PALS1: variants seen among roughly 807,000 people sequenced by gnomAD.
PALS1 encodes protein associated with LIN7 1, MAGUK p55 family member.
Under a neutral mutation model 78.9 loss-of-function variants are expected in PALS1, and 31 were observed. The ratio of observed to expected loss-of-function variants is 0.39; its 90% confidence interval spans 0.30 to 0.53. The LOEUF is 0.53. PALS1 is among the 20% of genes least tolerant of loss of function. The pLI is 0.67. For missense variants in PALS1, 704 were observed against 826.5 expected (o/e 0.85, Z 1.82); for synonymous variants, 276 against 270.9 (o/e 1.02, Z -0.18).
At chr14:67,299,602 G>GGT (rs2084904433) in intron 4 of PALS1, among the ~76,000 whole-genome samples, 2 of 152,306 alleles carry the variant, frequency 1.3e-5, no homozygotes, top group Middle Eastern at 3.4e-3. Flanking sequence ...ATAGGCCAAT[G>GGT]GAAAGGAGCA....
intron 1 of PALS1, among the ~76,000 whole-genome samples, chr14:67,246,273 C>T (rs1390476139): frequency 3.3e-5 from 5 of 151,568 alleles, no homozygotes; most frequent in Admixed American, 6.6e-5. Flanking sequence ...GGACCACAGG[C>T]GTGCCACCGC....
intron 14 of PALS1, among the ~76,000 whole-genome samples, chr14:67,331,101 G>C (rs142956667): frequency 7.1e-4 from 108 of 152,218 alleles, no homozygotes; most frequent in African/African-American, 2.5e-3. Flanking sequence ...CTGGAGTGCA[G>C]TGGCACAATC....
intron 8 of PALS1, among the ~76,000 whole-genome samples, chr14:67,305,420 CA>C (rs1474348288): frequency 6.6e-6 from 1 of 152,154 alleles, no homozygotes; most frequent in Admixed American, 6.5e-5. Flanking sequence ...GCTGGAAACA[CA>C]GATGCATACT....
intron 3 of PALS1, among the ~76,000 whole-genome samples, chr14:67,280,849 T>TTCCA (rs1555520229): frequency 2.0e-5 from 2 of 101,524 alleles, no homozygotes; most frequent in African/African-American, 5.9e-5. Context: ...CCTTCCTTCC[T>TTCCA]TCCTTCCCTC....
chr14:67,255,017 C>T (rs545977527), intron 1 of PALS1, among the ~76,000 whole-genome samples: 16 of 152,228 alleles, frequency 1.1e-4, no homozygotes, highest in East Asian at 1.9e-4. Flanking sequence ...GGTGTGGTGG[C>T]GCACGCCTGT....
At chr14:67,263,319 A>G (rs1447621270) in intron 1 of PALS1, among the ~76,000 whole-genome samples, 1 of 152,174 alleles carries the variant, frequency 6.6e-6, no homozygotes, top group African/African-American at 2.4e-5. Flanking sequence ...AGATTTGTAA[A>G]GGAAAATGGT....
intron 3 of PALS1, 80 bp downstream of exon 3, chr14:67,279,617 G>A (rs1279050619): frequency 1.5e-6 from 2 of 1,333,490 alleles, no homozygotes; most frequent in Admixed American, 2.7e-5. Context: ...GAAGGAAGAG[G>A]GTTTAAGAGA....
intron 14 of PALS1, among the ~76,000 whole-genome samples, chr14:67,331,235 G>A (rs574420160): frequency 5.3e-5 from 8 of 152,048 alleles, no homozygotes; most frequent in Non-Finnish European, 8.8e-5. Flanking sequence ...AATAGAGACG[G>A]GGTTTTGCCC....
At position 67,256,154 on chromosome 14, in the gene PALS1, A is replaced by C. The variant is rs2084141924; in HGVS notation, c.-236-13547A>C. On this transcript the variant is annotated intron_variant, in intron 1 of 14. Coordinates refer to ENST00000261681, the MANE Select transcript of PALS1 (RefSeq NM_022474.4). ...ATAGTATAGAAGTGGAAAGTAGGGAATATTTGGTCTATTATCCTCATTTTT... is the reference window on the plus strand; with the variant it reads ...ATAGTATAGAAGTGGAAAGTAGGGACTATTTGGTCTATTATCCTCATTTTT... Among the ~76,000 whole-genome samples the C allele has an allele frequency of 3.3e-5, 5 of 152,360 alleles. No homozygotes were observed. The South Asian group carries it at 1.0e-3, about 32-fold the overall frequency.
chr14:67,280,529 T>A (rs560629057), intron 3 of PALS1, among the ~76,000 whole-genome samples: 2 of 152,316 alleles, frequency 1.3e-5, no homozygotes, highest in East Asian at 3.9e-4. Flanking sequence ...GTAATCTCCA[T>A]TTTGGAGATA....
intron 11 of PALS1, among the ~76,000 whole-genome samples, chr14:67,319,676 T>C (rs761982571): frequency 2.6e-5 from 4 of 151,850 alleles, no homozygotes; most frequent in Non-Finnish European, 5.9e-5. Flanking sequence ...CAAATTCGCA[T>C]TGGGCCCCAT....
chr14:67,280,138 A>T (rs1279677640), intron 3 of PALS1, among the ~76,000 whole-genome samples: 1 of 152,252 alleles, frequency 6.6e-6, no homozygotes, highest in Non-Finnish European at 1.5e-5. Context: ...TGGGCTAAAT[A>T]AGTTAAATAG....
intron 4 of PALS1, among the ~76,000 whole-genome samples, chr14:67,297,335 A>G (rs1422142440): frequency 1.3e-5 from 2 of 152,228 alleles, no homozygotes; most frequent in East Asian, 1.9e-4. Flanking sequence ...ATGCACACAC[A>G]TATCTCATTT....
At chr14:67,315,118 A>G in intron 9 of PALS1, among the ~76,000 whole-genome samples, 1 of 150,804 alleles carries the variant, frequency 6.6e-6, no homozygotes, top group South Asian at 2.1e-4. Context: ...TCCATCTCTC[A>G]TTAATTTCTG....
At chr14:67,326,615 C>T (rs569951453) in intron 14 of PALS1, among the ~76,000 whole-genome samples, 1 of 152,196 alleles carries the variant, frequency 6.6e-6, no homozygotes, top group East Asian at 1.9e-4. Flanking sequence ...TCTTATGCCC[C>T]TTTGAAGTTA....
At chr14:67,266,032 T>A (rs10136835) in intron 1 of PALS1, among the ~76,000 whole-genome samples, 7,379 of 152,140 alleles carry the variant, frequency 0.049, 348 homozygotes, top group African/African-American at 0.12. Flanking sequence ...TGTCTCAAAC[T>A]CCTGGTCTCA....
chr14:67,301,495 T>G (rs775681918), intron 5 of PALS1, 29 bp downstream of exon 5: 1 of 1,512,570 alleles, frequency 6.6e-7, no homozygotes, highest in Non-Finnish European at 9.1e-7. Context: ...ACTATATATG[T>G]GGTTTTTCCA....
At chr14:67,292,122 A>C (rs1303786919) in intron 3 of PALS1, among the ~76,000 whole-genome samples, 1 of 152,198 alleles carries the variant, frequency 6.6e-6, no homozygotes, top group Non-Finnish European at 1.5e-5. Context: ...TAAATATTTA[A>C]AAAGACTAGT....
chr14:67,272,714 A>G (rs2084426889), intron 2 of PALS1, among the ~76,000 whole-genome samples: 1 of 152,182 alleles, frequency 6.6e-6, no homozygotes. Flanking sequence ...GCTGGAGCGC[A>G]GTGGCACGAT....
Sources: allele counts gnomAD v4.1 joint callset (sites outside exome capture counted in the v4.1 genomes callset), GRCh38; gene constraint gnomAD v4.1.1; transcripts MANE v1.5; gene names NCBI Gene and HGNC (gene_info 2026-07-23, HGNC 2026-07-21).